USP9X: variants seen among roughly 807,000 people sequenced by gnomAD.
The protein encoded by USP9X is ubiquitin specific peptidase 9 X-linked.
USP9X carries 7 observed loss-of-function variants against 190.3 expected under a neutral mutation model. The ratio of observed to expected loss-of-function variants is 0.04; its 90% CI spans 0.02 to 0.07. The LOEUF (loss-of-function observed/expected upper bound fraction) is 0.07, where lower values mean the gene tolerates loss of function less well. Ranked by LOEUF, USP9X falls within the 10% of genes least tolerant of loss-of-function variation. The pLI, the probability that USP9X is intolerant of heterozygous loss-of-function variation, is 1.00. For missense variants in USP9X, 1,010 were observed against 1,916.9 expected (o/e 0.53, Z 8.83); for synonymous variants, 645 against 659.5 (o/e 0.98, Z 0.34).
rs1601972007 is a variant in USP9X at position 41,148,395 on chromosome X, G to A, written c.1446G>A (p.Lys482=). 3 of 1,211,672 alleles carry A rather than the reference G, an allele frequency of 2.5e-6. No individual in the cohort carries two copies. Among genetic ancestry groups the A allele is most frequent in the Non-Finnish European group, 2.2e-6 (2 of 895,493 alleles). ...FKASWTNASK[K]QREKLLELIR... Reference sequence around the variant, plus strand: ...CCAGTTGGACAAATGCGAGTAAAAAGCAACGTGAAAAGCTACTTGAGCTGA... The same window carrying A: ...CCAGTTGGACAAATGCGAGTAAAAAACAACGTGAAAAGCTACTTGAGCTGA... Residue 482 remains lysine, a synonymous_variant, in exon 12 of 45, where the codon AAG becomes AAA. Coordinates refer to ENST00000378308, the MANE Select transcript of USP9X (RefSeq NM_001039591.3).
At chrX:41,201,015 A>G (rs765585428) in intron 30 of USP9X, 45 bp from the exon 31 acceptor site, 5 of 1,167,988 alleles carry the variant, frequency 4.3e-6, no homozygotes, top group Middle Eastern at 3.3e-4. Context: ...GTTTGAAAGG[A>G]CAGAATGGCC....
At chrX:41,121,675 G>A (rs1207315018) in intron 1 of USP9X, among the ~76,000 whole-genome samples, 1 of 111,469 alleles carries the variant, frequency 9.0e-6, no homozygotes, top group Non-Finnish European at 1.9e-5. Flanking sequence ...AATCAGTTAA[G>A]TTTCTCTATC....
chrX:41,088,475 C>T (rs1160296660), intron 1 of USP9X, among the ~76,000 whole-genome samples: 1 of 112,281 alleles, frequency 8.9e-6, no homozygotes, highest in Non-Finnish European at 1.9e-5. Flanking sequence ...TGTCTTTGAG[C>T]TTATTTTTAT....
intron 3 of USP9X, among the ~76,000 whole-genome samples, chrX:41,131,241 A>G (rs1000438321): frequency 1.8e-5 from 2 of 111,671 alleles, no homozygotes; most frequent in Non-Finnish European, 3.8e-5. Context: ...TTATTGCTGT[A>G]TCTTTTGACA....
At position 41,181,804 on chromosome X, in the gene USP9X, C is replaced by T. The variant is rs1243645806; in HGVS notation, c.3149-2194C>T. On this transcript the variant is annotated intron_variant, in intron 21 of 44. Coordinates refer to ENST00000378308, the MANE Select transcript of USP9X (RefSeq NM_001039591.3). Reference sequence around the variant, plus strand: ...TAGTGATGGGGGTCTTGCTGTGTTACGCAGGCTGGTTTTGACCTGGGCTCC... The same window carrying T: ...TAGTGATGGGGGTCTTGCTGTGTTATGCAGGCTGGTTTTGACCTGGGCTCC... Among the ~76,000 whole-genome samples the T allele has an allele frequency of 3.6e-5, 4 of 110,520 alleles. No individual in the cohort carries two copies. In the East Asian group the frequency reaches 1.1e-3, roughly 31 times the overall value.
At chrX:41,185,596 A>T (rs1269076317) in intron 23 of USP9X, among the ~76,000 whole-genome samples, 1 of 111,503 alleles carries the variant, frequency 9.0e-6, no homozygotes, top group Non-Finnish European at 1.9e-5. Flanking sequence ...ATTTTCTGTA[A>T]AAAATGGCTT....
chrX:41,205,901 T>G (rs1057508677), intron 32 of USP9X, among the ~76,000 whole-genome samples: 1 of 102,853 alleles, frequency 9.7e-6, no homozygotes, highest in Non-Finnish European at 2.0e-5. Flanking sequence ...TTTTCTTTTT[T>G]TTTTTTGAGA....
At chrX:41,167,707 T>A in intron 17 of USP9X, 130 bp downstream of exon 17, 1 of 474,576 alleles carries the variant, frequency 2.1e-6, no homozygotes, top group Non-Finnish European at 3.4e-6. Flanking sequence ...TTGGGTTATT[T>A]TTAATATAAC....
chrX:41,149,793 T>G (rs995021793), intron 12 of USP9X, among the ~76,000 whole-genome samples: 6 of 109,522 alleles, frequency 5.5e-5, no homozygotes, highest in South Asian at 4.0e-4. Context: ...AACCTCCGCC[T>G]CCCAGGTTCA....
At chrX:41,170,349 T>C in intron 19 of USP9X, 114 bp downstream of exon 19, 1 of 1,068,879 alleles carries the variant, frequency 9.4e-7, no homozygotes, top group Non-Finnish European at 1.3e-6. Flanking sequence ...GGTGTTAGAG[T>C]TATAGCATTA....
At chrX:41,199,227 C>T (rs985476096) in intron 30 of USP9X, among the ~76,000 whole-genome samples, 1 of 110,858 alleles carries the variant, frequency 9.0e-6, no homozygotes, top group African/African-American at 3.3e-5. Flanking sequence ...AAAAATAAGA[C>T]CATTATAAGC....
At chrX:41,136,260 G>A (rs1264978373) in intron 5 of USP9X, among the ~76,000 whole-genome samples, 2 of 111,143 alleles carry the variant, frequency 1.8e-5, no homozygotes, top group Non-Finnish European at 3.8e-5. Flanking sequence ...TCCTGGGTTC[G>A]AGCTATTCTC....
intron 1 of USP9X, among the ~76,000 whole-genome samples, chrX:41,113,677 C>G (rs1433055305): frequency 1.8e-5 from 2 of 110,802 alleles, no homozygotes; most frequent in African/African-American, 6.6e-5. Flanking sequence ...GTGTGGTCCA[C>G]TTTCACTGCA....
intron 1 of USP9X, among the ~76,000 whole-genome samples, chrX:41,115,761 A>G (rs760834007): frequency 8.9e-6 from 1 of 112,108 alleles, no homozygotes; most frequent in South Asian, 3.7e-4. Flanking sequence ...TTATTTAAAC[A>G]CCTTTTTTTT....
intron 20 of USP9X, among the ~76,000 whole-genome samples, chrX:41,171,419 G>T (rs755452180): frequency 8.9e-6 from 1 of 112,211 alleles, no homozygotes; most frequent in African/African-American, 3.2e-5. Flanking sequence ...TATAGCCAAA[G>T]AAATATTTTT....
intron 8 of USP9X, 27 bp from the exon 9 acceptor site, chrX:41,141,266 A>C: frequency 4.2e-6 from 5 of 1,199,506 alleles, no homozygotes; most frequent in Non-Finnish European, 4.5e-6. Context: ...TTTTAGAATC[A>C]TACTTATCAC....
chrX:41,187,343 A>C (rs1348229247), intron 24 of USP9X, among the ~76,000 whole-genome samples: 1 of 112,421 alleles, frequency 8.9e-6, no homozygotes, highest in Non-Finnish European at 1.9e-5. Context: ...TTCACTAAGA[A>C]TAATGACTGA....
chrX:41,152,223 G>T (rs954480840), intron 13 of USP9X, among the ~76,000 whole-genome samples: 1 of 111,828 alleles, frequency 8.9e-6, no homozygotes, highest in African/African-American at 3.3e-5. Context: ...CATATATCTC[G>T]TTAACAATAA....
intron 4 of USP9X, among the ~76,000 whole-genome samples, chrX:41,133,801 C>T (rs2062346346): frequency 2.7e-5 from 3 of 112,194 alleles, no homozygotes; most frequent in Middle Eastern, 9.2e-3. Context: ...AATAATACTC[C>T]ATTGTGTATA....
Sources: allele counts gnomAD v4.1 joint callset (sites outside exome capture counted in the v4.1 genomes callset), GRCh38; gene constraint gnomAD v4.1.1; transcripts MANE v1.5; gene names NCBI Gene and HGNC (gene_info 2026-07-23, HGNC 2026-07-21).